PRDM10: variants seen among roughly 807,000 people sequenced by gnomAD.
The protein encoded by PRDM10 is PR/SET domain 10.
A neutral mutation model predicts 133.1 loss-of-function variants in PRDM10; 65 were observed. The observed-to-expected ratio is 0.49, with a 90% confidence interval of 0.40 to 0.60. The LOEUF (loss-of-function observed/expected upper bound fraction) is 0.60. Among genes scored for constraint, PRDM10 ranks in the 20% least tolerant of loss-of-function variants. The probability of loss-of-function intolerance (pLI) is 0.00; values close to 1 mark genes in which losing one functional copy is unlikely to be tolerated. For missense variants in PRDM10, 1,137 were observed against 1,507.1 expected (o/e 0.75, Z 4.07); for synonymous variants, 582 against 580.4 (o/e 1.00, Z -0.04).
intron 17 of PRDM10, among the ~76,000 whole-genome samples, chr11:129,913,064 A>G (rs375486164): frequency 0.033 from 5,061 of 151,602 alleles, 103 homozygotes; most frequent in African/African-American, 0.053. Flanking sequence ...CATCTCAAAA[A>G]AAAAAAATAG....
chr11:129,984,662 C>T (rs1938313251), intron 1 of PRDM10, among the ~76,000 whole-genome samples: 1 of 152,216 alleles, frequency 6.6e-6, no homozygotes, highest in Non-Finnish European at 1.5e-5. Context: ...AAATCTCTTC[C>T]CTTCATTCCT....
In PRDM10 at chr11:129,917,201, T is replaced by A; in HGVS notation, c.2251A>T (p.Ile751Leu). ...HLSKRHPDMK[I>L]EEVPELTLPI... ...AGAGTTAACTCTGGCACCTCTTCTA[T>A]CTTCATGTCTGGGTGTCTCTTCGAT... The change falls in exon 15 of 21, where the codon ATA (isoleucine) becomes TTA (leucine). Residue 751 changes from isoleucine (I) to leucine (L), a missense_variant. Physicochemically the swap from Ile to Leu is conservative, Grantham distance 5. Around this residue, in one of 6 missense-constraint regions of PRDM10, gnomAD observed 65 missense variants for 151.1 expected, o/e 0.43. Transcript: ENST00000360871. 1 of 1,613,786 alleles carries A rather than the reference T, an allele frequency of 6.2e-7. No individual in the cohort carries two copies. The highest frequency in any genetic ancestry group is 2.2e-5 in the East Asian group (1 of 44,874).
At chr11:129,985,255 A>G (rs1938347240) in intron 1 of PRDM10, among the ~76,000 whole-genome samples, 1 of 152,138 alleles carries the variant, frequency 6.6e-6, no homozygotes, top group Non-Finnish European at 1.5e-5. Flanking sequence ...ACTGTTCCAC[A>G]GCTAAGAAAG....
intron 1 of PRDM10, among the ~76,000 whole-genome samples, chr11:129,982,982 T>G (rs1029929832): frequency 2.0e-5 from 3 of 151,554 alleles, no homozygotes; most frequent in African/African-American, 7.3e-5. Flanking sequence ...TTTAAAAAAT[T>G]TTTTTTTTCT....
intron 1 of PRDM10, among the ~76,000 whole-genome samples, chr11:129,997,607 G>A (rs1939132583): frequency 6.7e-6 from 1 of 149,580 alleles, no homozygotes; most frequent in Non-Finnish European, 1.5e-5. Flanking sequence ...TAAGTTCAAT[G>A]TTCTCAATTT....
At chr11:129,934,175 G>T (rs1210596450) in intron 9 of PRDM10, among the ~76,000 whole-genome samples, 1 of 152,196 alleles carries the variant, frequency 6.6e-6, no homozygotes, top group Non-Finnish European at 1.5e-5. Context: ...TCAATTCCCT[G>T]CCTGCTCTGC....
At chr11:129,990,460 C>T (rs1014076544) in intron 1 of PRDM10, among the ~76,000 whole-genome samples, 2 of 140,920 alleles carry the variant, frequency 1.4e-5, no homozygotes, top group Non-Finnish European at 3.0e-5. Context: ...AGGTAGAAGT[C>T]GCAGTGAGCA....
At position 129,960,927 on chromosome 11, in the gene PRDM10, G is replaced by A. The variant is rs775605029; in HGVS notation, c.38C>T (p.Thr13Ile). 2 of 1,614,126 alleles carry A rather than the reference G, an allele frequency of 1.2e-6. No homozygotes were observed. The highest frequency in any genetic ancestry group is 1.7e-5 in the Admixed American group (1 of 60,018). Residue 13 changes from threonine (T) to isoleucine (I), a missense_variant, in exon 2 of 21, where the codon ACA becomes ATA. Physicochemically the swap from Thr to Ile is moderately conservative, Grantham distance 89. Coordinates refer to ENST00000360871, the MANE Select transcript of PRDM10 (RefSeq NM_199437.2). The stretch of plus-strand genomic sequence containing the variant: ...GGCATTCTGTTCATGCTCTGCAGAT[G>A]TCGGCCACACATGCGAGCTTTCATC... ...SKDESSHVWPTSAEHEQNAAQ... is the reference protein window; with the variant it reads ...SKDESSHVWPISAEHEQNAAQ...
At chr11:129,975,392 T>G (rs916308034) in intron 1 of PRDM10, among the ~76,000 whole-genome samples, 7 of 151,182 alleles carry the variant, frequency 4.6e-5, no homozygotes, top group African/African-American at 1.7e-4. Context: ...GCCATTGCAC[T>G]CCAGCCTGGA....
At chr11:129,951,981 C>G (rs548604974) in intron 4 of PRDM10, among the ~76,000 whole-genome samples, 3 of 151,790 alleles carry the variant, frequency 2.0e-5, no homozygotes, top group African/African-American at 7.2e-5. Context: ...ATCTAACTTT[C>G]TATCCAGAAT....
Position 129,923,693 on chromosome 11 carries a change from A to AGC in PRDM10, c.1879-291_1879-290insGC, listed in dbSNP as rs1491447398. 9.1e-4 allele frequency among the ~76,000 whole-genome samples: 124 copies of AGC among 135,674 alleles called. 3 individuals are homozygous for AGC. Among genetic ancestry groups the AGC allele is most frequent in the African/African-American group, 3.4e-3 (120 of 35,514 alleles). The allele number at this position is 135,674 out of a possible 152,430, so 89.0% of individuals were successfully genotyped here. ...GAGAGAGAGAGAGAGAGAGAGAGAG[A>AGC]GTGCTTGCTTGGTCAAAGCCCTGAT... is the stretch of plus-strand genomic sequence containing the variant. On this transcript the variant is annotated intron_variant, in intron 12 of 20. Transcript: ENST00000360871. This position sits in a 1 kb window ranked among gnomAD's most constrained non-coding sequence, Gnocchi z 4.4.
Position 129,931,660 on chromosome 11 carries a change from C to CG in PRDM10, c.1288-403dup, listed in dbSNP as rs1555106475. On this transcript the variant is annotated intron_variant, in intron 10 of 20. Transcript: ENST00000360871. ...TCGACTCACTGCAAGCTCCGCCTCC[C>CG]GGTTCACGCCATTCTCCTGCCTCCG... is the stretch of plus-strand genomic sequence containing the variant. Among the ~76,000 whole-genome samples the CG allele has an allele frequency of 7.9e-5, 12 of 151,838 alleles. No individual in the cohort carries two copies. In the East Asian group the frequency reaches 1.2e-3, roughly 15 times the overall value.
Position 129,947,077 on chromosome 11 carries a change from C to T in PRDM10, c.520+68G>A. On this transcript the variant is annotated intron_variant, in intron 5 of 20. Coordinates refer to ENST00000360871, the MANE Select transcript of PRDM10 (RefSeq NM_199437.2). This position sits in a 1 kb window ranked among gnomAD's most constrained non-coding sequence, Gnocchi z 4.6. ...GACGCACGGGAGCTATGTTCACACACACGCACACGTACACAGACACACAAG... is the reference window on the plus strand; with the variant it reads ...GACGCACGGGAGCTATGTTCACACATACGCACACGTACACAGACACACAAG... The T allele has an allele frequency of 6.4e-7, 1 of 1,574,228 alleles. No individual in the cohort carries two copies. Among genetic ancestry groups the T allele is most frequent in the Non-Finnish European group, 8.6e-7 (1 of 1,157,364 alleles).
rs918064589 is a variant in PRDM10 at position 129,945,136 on chromosome 11, A to C, written c.521-124T>G. On this transcript the variant is annotated intron_variant, in intron 5 of 20. Coordinates refer to ENST00000360871, the MANE Select transcript of PRDM10 (RefSeq NM_199437.2). This position sits in a 1 kb window ranked among gnomAD's most constrained non-coding sequence, Gnocchi z 4.2. ...CAAGCCAAAATTCAATGAACTCCTA[A>C]TGGCGCTACCCATTCAACGGTAATA... 2 of 1,163,002 alleles carry C rather than the reference A, an allele frequency of 1.7e-6. No individual in the cohort carries two copies. The highest frequency in any genetic ancestry group is 3.1e-5 in the African/African-American group (2 of 64,200). The allele number at this position is 1,163,002 out of a possible 1,614,324, so 72.0% of individuals were successfully genotyped here.
At chr11:129,928,754 T>C (rs1436945761) in intron 11 of PRDM10, among the ~76,000 whole-genome samples, 2 of 152,124 alleles carry the variant, frequency 1.3e-5, no homozygotes, top group African/African-American at 4.8e-5. Context: ...TTGAAAGCCT[T>C]TGGTTGGCCA....
chr11:129,985,370 GA>G (rs1399153425), intron 1 of PRDM10, among the ~76,000 whole-genome samples: 3 of 152,126 alleles, frequency 2.0e-5, no homozygotes, highest in Non-Finnish European at 2.9e-5. Context: ...ACTATGGGGG[GA>G]AAATGCAATT....
At chr11:129,983,946 C>A (rs1938258575) in intron 1 of PRDM10, among the ~76,000 whole-genome samples, 2 of 152,170 alleles carry the variant, frequency 1.3e-5, no homozygotes, top group South Asian at 4.2e-4. Context: ...ATGAATGCTG[C>A]CGGATCTCCC....
chr11:129,915,801 C>T lies in PRDM10; in HGVS notation c.2385G>A (p.Glu795=), dbSNP rs1032601135. ...AHILKNHPGA[E]LPPSIRKLRP... Reference sequence around the variant, plus strand: ...GGAGCTTCCGAATGCTCGGTGGGAGCTCTGCTCCTGGGTGGTTCTTCAGAA... The same window carrying T: ...GGAGCTTCCGAATGCTCGGTGGGAGTTCTGCTCCTGGGTGGTTCTTCAGAA... Residue 795 remains glutamate (E), a synonymous_variant, in exon 16 of 21, where the codon GAG becomes GAA. Coordinates refer to ENST00000360871, the MANE Select transcript of PRDM10 (RefSeq NM_199437.2). 5.6e-6 allele frequency: 9 copies of T among 1,614,086 alleles called. No individual in the cohort carries two copies. In the African/African-American group the frequency reaches 1.2e-4, roughly 22 times the overall value.
rs1422172571 is a variant in PRDM10, at chr11:129,900,605, A to G, written c.*1708T>C. On this transcript the variant is annotated 3_prime_UTR_variant, in exon 21 of 21. Coordinates refer to ENST00000360871, the MANE Select transcript of PRDM10 (RefSeq NM_199437.2). ...TAAAACTGAACCTTTAGAAAATTCC[A>G]CTAGTCTTCTCCTAGAAAGTCTTTC... The G allele has an allele frequency of 6.6e-6, 1 of 152,350 alleles. No homozygotes were observed. The highest frequency in any genetic ancestry group is 1.5e-5 in the Non-Finnish European group (1 of 68,026). 9.4% of individuals were successfully genotyped at this position (152,350 alleles called of 1,614,324 possible). A position where few individuals can be genotyped will look rare whatever the true frequency, so the allele number is the denominator to read the frequency against.
Sources: gnomAD v4.1 joint callset for allele counts (sites outside exome capture counted in the v4.1 genomes callset) on GRCh38, gnomAD v4.1.1 for gene constraint, gnomAD v4.1.1 regional missense constraint, Gnocchi (gnomAD v3.1) non-coding constraint, MANE v1.5 for transcripts, NCBI Gene and HGNC (gene_info 2026-07-23, HGNC 2026-07-21) for gene names.